The following IL5RA variants were observed in gnomAD, a reference collection of about 807,000 sequenced individuals.
The protein encoded by IL5RA is interleukin-5 receptor subunit alpha.
Under a neutral mutation model 50.0 loss-of-function variants are expected in IL5RA, and 49 were observed. The ratio of observed to expected loss-of-function variants is 0.98; its 90% CI spans 0.78 to 1.24. The LOEUF (loss-of-function observed/expected upper bound fraction) is 1.24. Ranked by LOEUF, IL5RA falls within the 50% of genes most tolerant of loss-of-function variation. IL5RA has a pLI of 0.00. For synonymous variants in IL5RA, 202 were observed against 174.0 expected, an observed-to-expected ratio of 1.16 and a Z score of -1.26; for missense variants, 600 against 500.4, an observed-to-expected ratio of 1.20 and a Z score of -1.90.
chr3:3,101,116 T>A (rs147288609), intron 5 of IL5RA, among the ~76,000 whole-genome samples: 36 of 151,062 alleles, frequency 2.4e-4, no homozygotes, highest in South Asian at 4.2e-4. Flanking sequence ...GAGGCAGAGG[T>A]TGCAGTGAGT....
At chr3:3,096,481 T>C (rs1703373914) in intron 7 of IL5RA, among the ~76,000 whole-genome samples, 1 of 152,018 alleles carries the variant, frequency 6.6e-6, no homozygotes, top group Non-Finnish European at 1.5e-5. Flanking sequence ...AAGCTAGGAG[T>C]GGGATCCACT....
intron 8 of IL5RA, among the ~76,000 whole-genome samples, chr3:3,093,836 T>A (rs1264142090): frequency 6.6e-6 from 1 of 152,240 alleles, no homozygotes; most frequent in African/African-American, 2.4e-5. Flanking sequence ...TAAATATTTG[T>A]TGAATCTAAT....
chr3:3,070,261 C>G lies in IL5RA; in HGVS notation c.1227G>C (p.Lys409Asn), dbSNP rs1702253766. The part of the protein sequence containing the change: ...TEIEVICYIE[K>N]PGVETLEDSV... ...AATCCTCCAGGGTCTCAACTCCAGG[C>G]TTCTCTATATAACAGATGACTTCAA... The change falls in exon 12 of 12, where the codon AAG (lysine) becomes AAC (asparagine). Residue 409 changes from lysine (K) to asparagine (N), a missense_variant. Transcript: ENST00000446632. 5 of 1,613,400 alleles carry G rather than the reference C, an allele frequency of 3.1e-6. No individual in the cohort carries two copies. Among genetic ancestry groups the G allele is most frequent in the South Asian group, 1.1e-5 (1 of 91,044 alleles).
rs1050423948 is a variant in IL5RA, at chr3:3,108,681, T to A, written c.-135A>T. 29 of 152,196 alleles carry A rather than the reference T, an allele frequency of 1.9e-4. No individual in the cohort carries two copies. The highest frequency in any genetic ancestry group is 7.0e-4 in the African/African-American group (29 of 41,444). 9.4% of individuals were successfully genotyped at this position (152,196 alleles called of 1,614,324 possible). ...CGTCAGGCACAGGACCAATGCTCAATGTGCCTGGCCCTGTGTGGAATAGAA... is the reference window on the plus strand; with the variant it reads ...CGTCAGGCACAGGACCAATGCTCAAAGTGCCTGGCCCTGTGTGGAATAGAA... On this transcript the variant is annotated 5_prime_UTR_variant, in exon 2 of 12. Transcript: ENST00000446632.
intron 11 of IL5RA, among the ~76,000 whole-genome samples, chr3:3,072,994 A>G (rs1702352193): frequency 6.6e-6 from 1 of 152,128 alleles, no homozygotes. Context: ...CAGAACAGGC[A>G]CCAAAGCTCC....
intron 9 of IL5RA, among the ~76,000 whole-genome samples, chr3:3,078,625 G>A (rs1279461113): frequency 6.6e-6 from 1 of 152,162 alleles, no homozygotes; most frequent in Non-Finnish European, 1.5e-5. Flanking sequence ...CTTGAGGTCA[G>A]GAGTTCAAGA....
At chr3:3,102,530 T>C in intron 4 of IL5RA, 145 bp downstream of exon 4, 1 of 571,166 alleles carries the variant, frequency 1.8e-6, no homozygotes, top group Non-Finnish European at 3.0e-6. Flanking sequence ...CAGGCATTCT[T>C]AGAGAGACAC....
chr3:3,106,949 T>G (rs1703952037), intron 2 of IL5RA, among the ~76,000 whole-genome samples: 1 of 152,154 alleles, frequency 6.6e-6, no homozygotes, highest in African/African-American at 2.4e-5. Flanking sequence ...ATTAAATTGT[T>G]GAAGTAAATG....
intron 5 of IL5RA, among the ~76,000 whole-genome samples, chr3:3,101,200 A>G (rs1703638473): frequency 6.6e-6 from 1 of 150,376 alleles, no homozygotes; most frequent in Admixed American, 6.6e-5. Context: ...AAAAAAGTAA[A>G]TGAGAAGATC....
chr3:3,084,955 G>A (rs1409928450), intron 9 of IL5RA, among the ~76,000 whole-genome samples: 4 of 152,258 alleles, frequency 2.6e-5, no homozygotes, highest in African/African-American at 9.6e-5. Context: ...GGTGATGTAG[G>A]CACCAATAGA....
chr3:3,090,271 G>T, intron 9 of IL5RA: 1 of 1,545,956 alleles, frequency 6.5e-7, no homozygotes. Context: ...GAAACAGAGA[G>T]AAATTATTTG....
chr3:3,075,520 A>G (rs1035391126), intron 10 of IL5RA, among the ~76,000 whole-genome samples: 1 of 150,662 alleles, frequency 6.6e-6, no homozygotes, highest in Non-Finnish European at 1.5e-5. Context: ...CTTTCTTTTC[A>G]TCTCCTTTGT....
At chr3:3,089,320 G>C (rs1344674009) in intron 9 of IL5RA, among the ~76,000 whole-genome samples, 2 of 152,140 alleles carry the variant, frequency 1.3e-5, no homozygotes, top group Non-Finnish European at 2.9e-5. Flanking sequence ...AACTTAGCAC[G>C]ACCAGCCCCC....
At position 3,074,042 on chromosome 3, in the gene IL5RA, A is replaced by G. The variant is rs146254215; in HGVS notation, c.1176+740T>C. On this transcript the variant is annotated intron_variant, in intron 11 of 11. Transcript: ENST00000446632. Reference sequence around the variant, plus strand: ...GAAATGCCAAGGCAATTCACTGGGGAAAGGATGATTTACTCCAACAAATGA... The same window carrying G: ...GAAATGCCAAGGCAATTCACTGGGGGAAGGATGATTTACTCCAACAAATGA... Among the ~76,000 whole-genome samples the G allele has an allele frequency of 1.7e-3, 259 of 152,346 alleles. 3 individuals are homozygous for G. Among genetic ancestry groups the G allele is most frequent in the African/African-American group, 6.0e-3 (250 of 41,566 alleles).
At chr3:3,077,481 AC>A (rs1702527579) in intron 9 of IL5RA, among the ~76,000 whole-genome samples, 1 of 152,086 alleles carries the variant, frequency 6.6e-6, no homozygotes, top group South Asian at 2.1e-4. Context: ...TCCAAGACAA[AC>A]TCAAGCCAAG....
chr3:3,105,328 A>G (rs772404494), intron 2 of IL5RA: 6 of 164,886 alleles, frequency 3.6e-5, no homozygotes, highest in African/African-American at 1.2e-4. Context: ...GGGAAGAGAC[A>G]TGCCTGGTGG....
Position 3,068,604 on chromosome 3 carries a change from A to C in IL5RA, c.*1621T>G, listed in dbSNP as rs1005140088. 8.8e-5 allele frequency: 5 copies of C among 56,578 alleles called. No individual in the cohort carries two copies. Among genetic ancestry groups the C allele is most frequent in the East Asian group, 6.4e-4 (2 of 3,140 alleles). 3.5% of individuals were successfully genotyped at this position (56,578 alleles called of 1,614,324 possible). ...CCACCCCACAAAAAAAAAAAAAAAAAAAAACAAAAACAGGTTTGAGATTAT... is the reference window on the plus strand; with the variant it reads ...CCACCCCACAAAAAAAAAAAAAAAACAAAACAAAAACAGGTTTGAGATTAT... On this transcript the variant is annotated 3_prime_UTR_variant, in exon 12 of 12. Coordinates refer to ENST00000446632, the MANE Select transcript of IL5RA (RefSeq NM_175726.4).
At chr3:3,075,797 TCAC>T (rs1702458596) in intron 10 of IL5RA, among the ~76,000 whole-genome samples, 1 of 151,902 alleles carries the variant, frequency 6.6e-6, no homozygotes, top group Non-Finnish European at 1.5e-5. Flanking sequence ...AGACGGGGTT[TCAC>T]CACATTAGCC....
chr3:3,094,131 A>G (rs1703251777), intron 8 of IL5RA, among the ~76,000 whole-genome samples: 1 of 152,190 alleles, frequency 6.6e-6, no homozygotes, highest in Non-Finnish European at 1.5e-5. Flanking sequence ...AAATACATAT[A>G]ATGAAATTTA....
Sources: gnomAD v4.1 joint callset for allele counts (sites outside exome capture counted in the v4.1 genomes callset) on GRCh38, gnomAD v4.1.1 for gene constraint, MANE v1.5 for transcripts, NCBI Gene and HGNC (gene_info 2026-07-23, HGNC 2026-07-21) for gene names.